Variants in GRHPR observed in about 807,000 individuals in gnomAD.
GRHPR encodes glyoxylate reductase/hydroxypyruvate reductase.
In GRHPR, 35 loss-of-function variants were observed where a neutral mutation model predicts 36.8. The observed-to-expected ratio is 0.95, with a 90% confidence interval of 0.73 to 1.26. The LOEUF (loss-of-function observed/expected upper bound fraction) is 1.26, where lower values mean the gene tolerates loss of function less well. Among genes scored for constraint, GRHPR ranks in the 50% most tolerant of loss-of-function variants. The probability of loss-of-function intolerance (pLI) is 0.00; values close to 1 mark genes in which losing one functional copy is unlikely to be tolerated. For synonymous variants in GRHPR, 179 were observed against 181.0 expected, an observed-to-expected ratio of 0.99 and a Z score of 0.09; for missense variants, 380 against 435.0, an observed-to-expected ratio of 0.87 and a Z score of 1.12.
At chr9:37,434,358 G>A (rs368814072) in intron 8 of GRHPR, 1 of 484,654 alleles carries the variant, frequency 2.1e-6, no homozygotes. Context: ...AGCGGCCCCT[G>A]TGGGGAACAA....
intron 5 of GRHPR, 44 bp downstream of exon 5, chr9:37,428,616 C>T (rs371264136): frequency 1.8e-5 from 24 of 1,325,312 alleles, no homozygotes; most frequent in Admixed American, 3.3e-5. Flanking sequence ...GCTCTCACAG[C>T]GTGGTTTGCA....
At chr9:37,428,767 A>G (rs1310437945) in intron 5 of GRHPR, 195 bp downstream of exon 5, 1 of 695,058 alleles carries the variant, frequency 1.4e-6, no homozygotes, top group Non-Finnish European at 2.6e-6. Context: ...AGGATTCCTT[A>G]AGAACTCACC....
intron 5 of GRHPR, chr9:37,429,321 A>G (rs1283210833): frequency 3.6e-6 from 1 of 280,338 alleles, no homozygotes; most frequent in Non-Finnish European, 7.0e-6. Context: ...AGTGCCACCA[A>G]AAAGTCAAAT....
chr9:37,423,938 C>A (rs1405167336), intron 1 of GRHPR, among the ~76,000 whole-genome samples: 1 of 152,214 alleles, frequency 6.6e-6, no homozygotes, highest in Non-Finnish European at 1.5e-5. Flanking sequence ...CAAAGCCATG[C>A]AGCTCCCAGG....
chr9:37,429,808 G>A lies in GRHPR; in HGVS notation c.570G>A (p.Glu190=), dbSNP rs749299411. ...ACACAGGGCGCCAGCCCAGGCCTGA[G>A]GAAGCAGCAGAATTCCAGGCAGAGT... ...FLYTGRQPRP[E]EAAEFQAEFV... is the part of the protein sequence containing the mutation. Residue 190 remains glutamate (E), a synonymous_variant, in exon 6 of 9, where the codon GAG becomes GAA. Coordinates refer to ENST00000318158, the MANE Select transcript of GRHPR (RefSeq NM_012203.2). 1 of 1,608,040 alleles carries A rather than the reference G, an allele frequency of 6.2e-7. No homozygotes were observed. The highest frequency in any genetic ancestry group is 2.2e-5 in the East Asian group (1 of 44,866).
At position 37,426,592 on chromosome 9, in the gene GRHPR, C is replaced by G; in HGVS notation, c.342C>G (p.Leu114=). 1 of 1,613,996 alleles carries G rather than the reference C, an allele frequency of 6.2e-7. No individual in the cohort carries two copies. Among genetic ancestry groups the G allele is most frequent in the Non-Finnish European group, 8.5e-7 (1 of 1,179,874 alleles). The change falls in exon 4 of 9, where the codon CTC becomes CTG. Residue 114 remains leucine (L), a synonymous_variant. Coordinates refer to ENST00000318158, the MANE Select transcript of GRHPR (RefSeq NM_012203.2). ...PDVLTDTTAE[L]AVSLLLTTCR... ...TCCTGACAGATACCACCGCCGAACT[C>G]GCAGTCTCCCTGCTACTTACCACCT...
rs750839268 is a variant in GRHPR, at chr9:37,422,729, C to T, written c.-22C>T. On this transcript the variant is annotated 5_prime_UTR_variant, in exon 1 of 9. Transcript: ENST00000318158. ...GGGCCAGCTTCTGTACTGCCAGGTCCGGGTCGGCGGCTGCACTGCGGATGA... is the reference window on the plus strand; with the variant it reads ...GGGCCAGCTTCTGTACTGCCAGGTCTGGGTCGGCGGCTGCACTGCGGATGA... The T allele has an allele frequency of 7.1e-6, 11 of 1,550,854 alleles. No individual in the cohort carries two copies. The Admixed American group carries it at 7.4e-5, about 10-fold the overall frequency.
chr9:37,425,742 C>T (rs1197433263), intron 2 of GRHPR, among the ~76,000 whole-genome samples, 180 bp from the exon 3 acceptor site: 2 of 152,202 alleles, frequency 1.3e-5, no homozygotes, highest in African/African-American at 4.8e-5. Context: ...ACTTAACCTC[C>T]CTGAACTGCA....
chr9:37,424,863 G>A lies in GRHPR; in HGVS notation c.102G>A (p.Trp34Ter), dbSNP rs180177304. Residue 34 changes from tryptophan (W) to a stop codon, truncating the protein, a stop_gained, in exon 2 of 9, where the codon TGG becomes TGA. Transcript: ENST00000318158. LOFTEE classifies it high-confidence loss of function. Reference sequence around the variant, plus strand: ...CCCGCAGCTGTGAGGTGGAGCAGTGGGACTCGGATGAGCCCATCCCTGCCA... The same window carrying A: ...CCCGCAGCTGTGAGGTGGAGCAGTGAGACTCGGATGAGCCCATCCCTGCCA... ...ARAADCEVEQ[W>*]DSDEPIPAKE... The A allele has an allele frequency of 1.1e-5, 18 of 1,613,270 alleles. No individual in the cohort carries two copies. Among genetic ancestry groups the A allele is most frequent in the Non-Finnish European group, 1.4e-5 (17 of 1,179,824 alleles).
rs548649266 is a variant in GRHPR, at chr9:37,430,035, G to A, written c.598+199G>A. 707 of 629,776 alleles carry A rather than the reference G, an allele frequency of 1.1e-3. 3 individuals are homozygous for A. In the African/African-American group the frequency reaches 0.011, roughly 10 times the overall value. 39.0% of individuals were successfully genotyped at this position (629,776 alleles called of 1,614,324 possible). On this transcript the variant is annotated intron_variant, in intron 6 of 8. Transcript: ENST00000318158. ...ACAGGGACTTACCCAGGTCCTCTCC[G>A]AGCCAGCAGAGCAGTCCAGGGCTCC...
intron 8 of GRHPR, chr9:37,434,009 C>T (rs925765608): frequency 2.4e-5 from 9 of 382,546 alleles, no homozygotes; most frequent in Non-Finnish European, 3.7e-5. Context: ...GGCTGTCGCC[C>T]ACAGCCAGGA....
chr9:37,432,086 G>A lies in GRHPR; in HGVS notation c.813G>A (p.Thr271=), dbSNP rs373622439. The A allele has an allele frequency of 5.6e-6, 9 of 1,613,954 alleles. No individual in the cohort carries two copies. The highest frequency in any genetic ancestry group is 1.6e-4 in the Middle Eastern group (1 of 6,062). The part of the protein sequence containing the change: ...GKIAAAGLDV[T]SPEPLPTNHP... ...TTGCAGCTGCTGGACTGGATGTGACGAGCCCAGAACCACTGCCTACAAACC... is the reference window on the plus strand; with the variant it reads ...TTGCAGCTGCTGGACTGGATGTGACAAGCCCAGAACCACTGCCTACAAACC... The change falls in exon 8 of 9, where the codon ACG becomes ACA. Residue 271 remains threonine, a synonymous_variant. Transcript: ENST00000318158.
chr9:37,429,015 C>G (rs1823223760), intron 5 of GRHPR: 22 of 327,414 alleles, frequency 6.7e-5, no homozygotes, highest in South Asian at 5.4e-4. Context: ...GAGGCAGAGA[C>G]ACTTTTCTTC....
chr9:37,426,071 T>C, intron 3 of GRHPR, 77 bp downstream of exon 3: 1 of 983,148 alleles, frequency 1.0e-6, no homozygotes, highest in Non-Finnish European at 1.7e-6. Context: ...TTGATTTGTT[T>C]TTACTGCATA....
chr9:37,435,519 C>CAG (rs1365657622), intron 8 of GRHPR, among the ~76,000 whole-genome samples: 1 of 152,082 alleles, frequency 6.6e-6, no homozygotes, highest in Non-Finnish European at 1.5e-5. Context: ...TGCTGGCTCT[C>CAG]AGTTTGATCA....
chr9:37,437,924 C>T (rs929955840), downstream of GRHPR, among the ~76,000 whole-genome samples: 6 of 152,038 alleles, frequency 3.9e-5, no homozygotes, highest in Admixed American at 6.6e-5. Context: ...CATGCATGTG[C>T]GTAGCTCAAA....
At chr9:37,437,641 C>T (rs536744079), downstream of GRHPR, among the ~76,000 whole-genome samples, 58 of 151,906 alleles carry the variant, frequency 3.8e-4, no homozygotes, top group African/African-American at 1.4e-3. Flanking sequence ...CATATTGTTC[C>T]CTTTGCCCAT....
chr9:37,430,952 C>CACCA (rs995088936), intron 7 of GRHPR: 5 of 527,286 alleles, frequency 9.5e-6, no homozygotes, highest in Admixed American at 6.8e-5. Context: ...CATTATCCTC[C>CACCA]ACCACAAAGG....
At chr9:37,434,908 A>C (rs988516726) in intron 8 of GRHPR, 5 of 152,270 alleles carry the variant, frequency 3.3e-5, no homozygotes, top group African/African-American at 1.2e-4. Context: ...ATTATCCAGG[A>C]ATGTTTCTTG....
Sources: gnomAD v4.1 joint callset for allele counts (sites outside exome capture counted in the v4.1 genomes callset) on GRCh38, gnomAD v4.1.1 for gene constraint, MANE v1.5 for transcripts, NCBI Gene and HGNC (gene_info 2026-07-23, HGNC 2026-07-21) for gene names.